Variants in GPC3 observed in about 807,000 individuals in gnomAD.
GPC3 encodes the protein glypican 3.
A neutral mutation model predicts 34.4 loss-of-function variants in GPC3; 3 were observed. The ratio of observed to expected loss-of-function variants is 0.09; its 90% CI spans 0.04 to 0.23. The LOEUF (loss-of-function observed/expected upper bound fraction) is 0.23, where lower values mean the gene tolerates loss of function less well. Ranked by LOEUF, GPC3 falls within the 10% of genes least tolerant of loss-of-function variation. The pLI is 1.00. For synonymous variants in GPC3, 177 were observed against 174.0 expected (o/e 1.02, Z -0.13); for missense variants, 351 against 445.6 (o/e 0.79, Z 1.91).
In GPC3 at chrX:133,719,089, A is replaced by T. The variant is rs2071338632; in HGVS notation, c.1033-19061T>A. 2.7e-5 allele frequency among the ~76,000 whole-genome samples: 3 copies of T among 111,324 alleles called. 1 individual carries two copies. In the South Asian group the frequency reaches 1.1e-3, roughly 42 times the overall value. Reference sequence around the variant, plus strand: ...AAGATTTTAACAACACTATAAGCCAACTAGATCAAACAGACATCTATAGAA... The same window carrying T: ...AAGATTTTAACAACACTATAAGCCATCTAGATCAAACAGACATCTATAGAA... On this transcript the variant is annotated intron_variant, in intron 3 of 7. Coordinates refer to ENST00000370818, the MANE Select transcript of GPC3 (RefSeq NM_004484.4).
chrX:133,945,792 T>G (rs2076365802), intron 2 of GPC3, among the ~76,000 whole-genome samples: 1 of 111,213 alleles, frequency 9.0e-6, no homozygotes, highest in South Asian at 3.8e-4. Flanking sequence ...GAAAAGTTAT[T>G]TTTCTGTTAA....
chrX:133,580,015 A>G (rs1458114936), intron 7 of GPC3, among the ~76,000 whole-genome samples: 1 of 112,816 alleles, frequency 8.9e-6, no homozygotes, highest in Non-Finnish European at 1.9e-5. Context: ...GAAGGAACAG[A>G]ATAGCAAGTT....
intron 2 of GPC3, among the ~76,000 whole-genome samples, chrX:133,770,377 G>A (rs1010819800): frequency 8.9e-6 from 1 of 112,065 alleles, no homozygotes; most frequent in Non-Finnish European, 1.9e-5. Flanking sequence ...AACAGAATGT[G>A]GAAACCAGTT....
At chrX:133,654,705 C>T (rs368637253) in intron 6 of GPC3, among the ~76,000 whole-genome samples, 1 of 108,054 alleles carries the variant, frequency 9.3e-6, no homozygotes. Flanking sequence ...GAGTGAGACT[C>T]CGTCTCAAAA....
intron 3 of GPC3, among the ~76,000 whole-genome samples, chrX:133,706,755 G>A (rs2071222944): frequency 8.9e-6 from 1 of 111,811 alleles, no homozygotes; most frequent in Non-Finnish European, 1.9e-5. Flanking sequence ...ACTGCTGGTG[G>A]GAGTGTAAAT....
intron 2 of GPC3, among the ~76,000 whole-genome samples, chrX:133,801,035 C>G (rs981380629): frequency 8.9e-6 from 1 of 111,949 alleles, no homozygotes; most frequent in African/African-American, 3.2e-5. Flanking sequence ...AAGCAACTAA[C>G]AGAATAAACA....
At chrX:133,548,998 C>A (rs1382477157) in intron 7 of GPC3, among the ~76,000 whole-genome samples, 1 of 111,493 alleles carries the variant, frequency 9.0e-6, no homozygotes, top group Non-Finnish European at 1.9e-5. Context: ...TCTTTATCAG[C>A]AGCATAAAAA....
At chrX:133,558,082 GT>G (rs1267039338) in intron 7 of GPC3, among the ~76,000 whole-genome samples, 1 of 111,208 alleles carries the variant, frequency 9.0e-6, no homozygotes, top group African/African-American at 3.3e-5. Flanking sequence ...ATTAGAGAAA[GT>G]AAGTTGAGCC....
chrX:133,839,371 A>T (rs1325464503), intron 2 of GPC3, among the ~76,000 whole-genome samples: 1 of 111,809 alleles, frequency 8.9e-6, no homozygotes, highest in Non-Finnish European at 1.9e-5. Flanking sequence ...TATTTTAAAC[A>T]AGTTGGATGT....
intron 2 of GPC3, among the ~76,000 whole-genome samples, chrX:133,754,384 G>A (rs758731451): frequency 9.0e-6 from 1 of 111,486 alleles, no homozygotes; most frequent in Non-Finnish European, 1.9e-5. Context: ...TGAACATGAA[G>A]TCCAGATTCT....
intron 3 of GPC3, among the ~76,000 whole-genome samples, chrX:133,731,693 T>G (rs1402819648): frequency 8.9e-6 from 1 of 112,496 alleles, no homozygotes; most frequent in Non-Finnish European, 1.9e-5. Flanking sequence ...TTTGCCATAT[T>G]TCTAACCCTC....
At chrX:133,827,776 C>T (rs1264600442) in intron 2 of GPC3, among the ~76,000 whole-genome samples, 2 of 107,937 alleles carry the variant, frequency 1.9e-5, no homozygotes, top group African/African-American at 3.4e-5. Flanking sequence ...GAGTGAGACT[C>T]CATCTCAAAG....
chrX:133,610,724 G>A (rs1045529989), intron 6 of GPC3, among the ~76,000 whole-genome samples: 4 of 102,253 alleles, frequency 3.9e-5, no homozygotes, highest in African/African-American at 1.4e-4. Context: ...GCTGGGAAAT[G>A]GGGCACTTGC....
intron 2 of GPC3, among the ~76,000 whole-genome samples, chrX:133,901,131 C>A (rs910918123): frequency 1.8e-5 from 2 of 111,471 alleles, no homozygotes; most frequent in Non-Finnish European, 1.9e-5. Flanking sequence ...AGAACCATTT[C>A]TATAATAGAT....
At chrX:133,536,678 A>G (rs1160966599) in intron 7 of GPC3, among the ~76,000 whole-genome samples, 1 of 110,239 alleles carries the variant, frequency 9.1e-6, no homozygotes, top group Non-Finnish European at 1.9e-5. Context: ...GGGTATCAAA[A>G]CGTAAGATGC....
intron 6 of GPC3, among the ~76,000 whole-genome samples, chrX:133,624,724 C>T (rs1286253822): frequency 9.0e-6 from 1 of 111,455 alleles, no homozygotes; most frequent in African/African-American, 3.3e-5. Flanking sequence ...CTGAATTCTA[C>T]CAGAGGTACA....
chrX:133,911,453 T>A (rs1262149275), intron 2 of GPC3, among the ~76,000 whole-genome samples: 3 of 111,950 alleles, frequency 2.7e-5, no homozygotes, highest in Non-Finnish European at 3.8e-5. Flanking sequence ...AGATTTTTTT[T>A]AAAAGGTATG....
intron 5 of GPC3, among the ~76,000 whole-genome samples, chrX:133,666,395 G>T (rs2070767749): frequency 8.9e-6 from 1 of 112,269 alleles, no homozygotes; most frequent in Non-Finnish European, 1.9e-5. Context: ...ATTAAGCATG[G>T]TTTCTGGTTA....
chrX:133,652,654 C>A (rs2070615626), intron 6 of GPC3, among the ~76,000 whole-genome samples: 1 of 110,279 alleles, frequency 9.1e-6, no homozygotes, highest in South Asian at 3.8e-4. Flanking sequence ...TATATACCAA[C>A]ACTGAGCCCA....
Sources: gnomAD v4.1 joint callset for allele counts (sites outside exome capture counted in the v4.1 genomes callset) on GRCh38, gnomAD v4.1.1 for gene constraint, MANE v1.5 for transcripts, NCBI Gene and HGNC (gene_info 2026-07-23, HGNC 2026-07-21) for gene names.